The following DPH6 variants were observed in gnomAD, a reference collection of about 807,000 sequenced individuals.
The protein encoded by DPH6 is diphthamine biosynthesis 6, also known as diphthine--ammonia ligase.
A neutral mutation model predicts 38.2 loss-of-function variants in DPH6; 33 were observed. The ratio of observed to expected loss-of-function variants is 0.86; its 90% CI spans 0.65 to 1.15. The LOEUF (loss-of-function observed/expected upper bound fraction) is 1.15, where lower values mean the gene tolerates loss of function less well. DPH6 is among the 50% of genes most tolerant of loss of function. DPH6 has a pLI of 0.00. For synonymous variants in DPH6, 108 were observed against 103.0 expected, an observed-to-expected ratio of 1.05 and a Z score of -0.30; for missense variants, 325 against 320.0, an observed-to-expected ratio of 1.02 and a Z score of -0.12.
At chr15:35,161,883 T>C in the DPH6 span, among the ~76,000 whole-genome samples, 7 of 151,946 alleles carry the variant, frequency 4.6e-5, no homozygotes, top group African/African-American at 1.4e-4. Context: ...TATTTTGTTA[T>C]AGCAGCCCAA....
intron 3 of DPH6, among the ~76,000 whole-genome samples, chr15:35,249,929 C>T (rs1032816654): frequency 3.3e-5 from 5 of 151,676 alleles, no homozygotes; most frequent in African/African-American, 7.3e-5. Flanking sequence ...TTTGGGAGGC[C>T]GAGGCAGGCG....
chr15:35,531,413 T>C (rs887085553), intron 3 of DPH6, among the ~76,000 whole-genome samples: 67 of 152,280 alleles, frequency 4.4e-4, no homozygotes, highest in Admixed American at 4.4e-3. Flanking sequence ...AAAATGAATT[T>C]GCCAATGGTT....
At chr15:35,421,667 G>A (rs753794732) in intron 5 of DPH6, among the ~76,000 whole-genome samples, 4 of 152,094 alleles carry the variant, frequency 2.6e-5, no homozygotes, top group Non-Finnish European at 5.9e-5. Flanking sequence ...AAAGAAGCTC[G>A]AGTAGAGAGT....
intron 3 of DPH6, among the ~76,000 whole-genome samples, chr15:35,537,071 C>A (rs2055180874): frequency 6.6e-6 from 1 of 151,972 alleles, no homozygotes; most frequent in Non-Finnish European, 1.5e-5. Context: ...TTCTGACATA[C>A]AAAATAAGAA....
At chr15:35,510,341 C>T (rs1358544713) in intron 3 of DPH6, among the ~76,000 whole-genome samples, 1 of 152,228 alleles carries the variant, frequency 6.6e-6, no homozygotes, top group Admixed American at 6.5e-5. Context: ...CTTCTAATCA[C>T]TATGCAGGTT....
In DPH6 at chr15:35,333,126, A is replaced by G. The variant is rs868392680; in HGVS notation, n.208-2049T>C. 6.6e-5 allele frequency among the ~76,000 whole-genome samples: 10 copies of G among 152,156 alleles called. No individual in the cohort carries two copies. In the South Asian group the frequency reaches 8.3e-4, roughly 13 times the overall value. On this transcript the variant is annotated intron_variant and non_coding_transcript_variant, in intron 3 of 3. Transcript: ENST00000558973. ...AAAAAAGCTGAAATTGAATAAGTTAAGTGCAATTTAAATTTAGTGAAACTA... is the reference window on the plus strand; with the variant it reads ...AAAAAAGCTGAAATTGAATAAGTTAGGTGCAATTTAAATTTAGTGAAACTA...
chr15:35,436,509 C>CAAAAAAAAAAAAAAAAAA (rs1491101707), intron 5 of DPH6, among the ~76,000 whole-genome samples: 1 of 107,590 alleles, frequency 9.3e-6, no homozygotes, highest in Non-Finnish European at 1.8e-5. Context: ...CAAAACAAAA[C>CAAAAAAAAAAAAAAAAAA]AAAACAAAAA....
chr15:35,213,852 C>A (rs938267733), downstream of DPH6, among the ~76,000 whole-genome samples: 4 of 152,204 alleles, frequency 2.6e-5, no homozygotes, highest in Non-Finnish European at 5.9e-5. Context: ...GTGGCTCACG[C>A]CTGTAATCCC....
chr15:35,234,216 T>C (rs995743840), intron 3 of DPH6, among the ~76,000 whole-genome samples: 2 of 152,210 alleles, frequency 1.3e-5, no homozygotes, highest in African/African-American at 4.8e-5. Flanking sequence ...CTGTAGCAAA[T>C]TCCTGAGACA....
At chr15:35,274,797 G>A (rs2051846435) in intron 3 of DPH6, among the ~76,000 whole-genome samples, 1 of 152,206 alleles carries the variant, frequency 6.6e-6, no homozygotes, top group Non-Finnish European at 1.5e-5. Context: ...GTTGGTGGGA[G>A]TGTAAATTAT....
chr15:35,163,926 A>G, the DPH6 span, among the ~76,000 whole-genome samples: 1 of 151,860 alleles, frequency 6.6e-6, no homozygotes, highest in Non-Finnish European at 1.5e-5. Flanking sequence ...CTCATATACT[A>G]TAATATACTA....
At chr15:35,177,613 A>C in the DPH6 span, among the ~76,000 whole-genome samples, 3 of 146,562 alleles carry the variant, frequency 2.0e-5, no homozygotes, top group Non-Finnish European at 4.5e-5. Flanking sequence ...CATCATCATC[A>C]TCATCATCAT....
the DPH6 span, among the ~76,000 whole-genome samples, chr15:35,159,329 G>A: frequency 1.3e-5 from 2 of 151,920 alleles, no homozygotes; most frequent in African/African-American, 4.8e-5. Flanking sequence ...CACTTCTACA[G>A]CTATTCTTTC....
chr15:35,272,205 T>C lies in DPH6; in HGVS notation n.201-51623A>G, dbSNP rs549551026. Among the ~76,000 whole-genome samples, 5 of 152,272 alleles carry C rather than the reference T, an allele frequency of 3.3e-5. No individual in the cohort carries two copies. The South Asian group carries it at 1.0e-3, about 32-fold the overall frequency. On this transcript the variant is annotated intron_variant and non_coding_transcript_variant, in intron 3 of 3. Coordinates refer to the DPH6 transcript ENST00000560386. ...TATAGCATTTACACTGTATTAGATATTATAATTAATCTAGAGATGATTTAA... is the reference window on the plus strand; with the variant it reads ...TATAGCATTTACACTGTATTAGATACTATAATTAATCTAGAGATGATTTAA...
At chr15:35,401,925 T>C (rs1299169618) in intron 6 of DPH6, among the ~76,000 whole-genome samples, 2 of 152,196 alleles carry the variant, frequency 1.3e-5, no homozygotes, top group Non-Finnish European at 2.9e-5. Context: ...CTCATGTGTA[T>C]GGGCAAAAGA....
At chr15:35,312,010 G>GAAAAA (rs10573455) in intron 3 of DPH6, among the ~76,000 whole-genome samples, 429 of 101,988 alleles carry the variant, frequency 4.2e-3, no homozygotes, top group Non-Finnish European at 6.1e-3. Flanking sequence ...TTAAGAAAAT[G>GAAAAA]AAAAAAAAAA....
chr15:35,155,268 A>G, the DPH6 span, among the ~76,000 whole-genome samples: 1 of 107,544 alleles, frequency 9.3e-6, no homozygotes, highest in African/African-American at 2.5e-5. Flanking sequence ...CCAGAGAACT[A>G]TAAAAGTTTG....
intron 3 of DPH6, among the ~76,000 whole-genome samples, chr15:35,299,602 A>C (rs2140800567): frequency 6.6e-6 from 1 of 152,180 alleles, no homozygotes; most frequent in Non-Finnish European, 1.5e-5. Flanking sequence ...CTGCTGGGAG[A>C]GCGCGCCCCA....
At chr15:35,262,856 G>C (rs2051758392) in intron 3 of DPH6, among the ~76,000 whole-genome samples, 1 of 152,040 alleles carries the variant, frequency 6.6e-6, no homozygotes, top group Non-Finnish European at 1.5e-5. Flanking sequence ...CTAGGAGTCA[G>C]CTGCTACATT....
Sources: allele counts gnomAD v4.1 joint callset (sites outside exome capture counted in the v4.1 genomes callset), GRCh38; gene constraint gnomAD v4.1.1; transcripts MANE v1.5; gene names NCBI Gene and HGNC (gene_info 2026-07-23, HGNC 2026-07-21).